ATAD2B: variants seen among roughly 807,000 people sequenced by gnomAD.
ATAD2B encodes the protein ATPase family AAA domain containing 2B, also known as ATPase family AAA domain-containing protein 2B.
A neutral mutation model predicts 167.6 loss-of-function variants in ATAD2B; 40 were observed. The observed-to-expected ratio is 0.24, with a 90% CI of 0.19 to 0.31. ATAD2B has a LOEUF of 0.31. ATAD2B is among the 10% of genes least tolerant of loss of function. The probability of loss-of-function intolerance (pLI) is 1.00; values close to 1 mark genes in which losing one functional copy is unlikely to be tolerated. For synonymous variants in ATAD2B, 579 were observed against 596.5 expected (o/e 0.97, Z 0.43); for missense variants, 1,242 against 1,757.2 (o/e 0.71, Z 5.24).
the ATAD2B span, among the ~76,000 whole-genome samples, chr2:23,730,945 G>T: frequency 6.6e-6 from 1 of 151,602 alleles, no homozygotes; most frequent in East Asian, 1.9e-4. Context: ...AAAAAGAGAA[G>T]ATACAAATTG....
At chr2:23,922,450 A>G (rs1365957730) in intron 1 of ATAD2B, among the ~76,000 whole-genome samples, 3 of 151,994 alleles carry the variant, frequency 2.0e-5, no homozygotes, top group Non-Finnish European at 4.4e-5. Flanking sequence ...CTGATATTTT[A>G]AAAGTGTGGG....
At chr2:23,700,779 A>ACAGAGCAGTGG in the ATAD2B span, among the ~76,000 whole-genome samples, 1 of 152,154 alleles carries the variant, frequency 6.6e-6, no homozygotes, top group Admixed American at 6.5e-5. This position sits in a 1 kb window ranked among gnomAD's most constrained non-coding sequence, Gnocchi z 4.6. Flanking sequence ...GCCCTTGACT[A>ACAGAGCAGTGG]CAGAGCAGTG....
At chr2:23,743,297 T>TAGCTCATGCTAC in the ATAD2B span, among the ~76,000 whole-genome samples, 1 of 152,164 alleles carries the variant, frequency 6.6e-6, no homozygotes, top group Non-Finnish European at 1.5e-5. Context: ...CCAGGCGCAG[T>TAGCTCATGCTAC]AGCTCATGCC....
intron 13 of ATAD2B, among the ~76,000 whole-genome samples, chr2:23,848,755 C>T (rs557556664): frequency 1.3e-5 from 2 of 152,174 alleles, no homozygotes; most frequent in South Asian, 4.1e-4. Flanking sequence ...AAACAAGAAA[C>T]AGGCTAAGAG....
At chr2:23,703,225 T>G in the ATAD2B span, 1 of 1,480,506 alleles carries the variant, frequency 6.8e-7, no homozygotes, top group Non-Finnish European at 9.0e-7. Flanking sequence ...CGGTGGCCCC[T>G]CTGCCCAAGG....
intron 19 of ATAD2B, among the ~76,000 whole-genome samples, chr2:23,797,179 A>T (rs1338004567): frequency 1.3e-5 from 2 of 152,170 alleles, no homozygotes; most frequent in African/African-American, 4.8e-5. Context: ...TTTATATTAT[A>T]GCACTTAAAA....
chr2:23,755,344 T>G (rs1184188923), intron 25 of ATAD2B, among the ~76,000 whole-genome samples: 2 of 152,204 alleles, frequency 1.3e-5, no homozygotes, highest in Non-Finnish European at 2.9e-5. Context: ...GGGCTGGTGT[T>G]CTTTCCTACC....
chr2:23,868,271 T>C (rs12614496), intron 9 of ATAD2B, among the ~76,000 whole-genome samples: 111,968 of 152,156 alleles, frequency 0.74, 41,608 homozygotes, highest in East Asian at 0.85. Flanking sequence ...CCTATATGTA[T>C]TATAATATAT....
chr2:23,866,754 G>A (rs1387682314), intron 10 of ATAD2B, among the ~76,000 whole-genome samples: 4 of 152,026 alleles, frequency 2.6e-5, no homozygotes, highest in South Asian at 4.1e-4. Context: ...TCATCTTCAA[G>A]TATATATGCA....
chr2:23,680,180 T>G, the ATAD2B span, among the ~76,000 whole-genome samples: 1 of 152,076 alleles, frequency 6.6e-6, no homozygotes, highest in Non-Finnish European at 1.5e-5. The surrounding 1 kb of genome is among the most constrained non-coding windows in gnomAD (Gnocchi z 4.1). Context: ...CTCAGGGTGC[T>G]GGAGGGCCTA....
intron 1 of ATAD2B, among the ~76,000 whole-genome samples, chr2:23,920,293 G>C: frequency 6.6e-6 from 1 of 152,178 alleles, no homozygotes; most frequent in East Asian, 1.9e-4. Flanking sequence ...GACGAGTAGA[G>C]GACCAGAAGT....
chr2:23,807,863 T>A (rs1309171975), intron 18 of ATAD2B, among the ~76,000 whole-genome samples: 54 of 128,742 alleles, frequency 4.2e-4, no homozygotes, highest in African/African-American at 1.5e-3. Flanking sequence ...ATAAAATATA[T>A]ACATTTTATA....
the ATAD2B span, among the ~76,000 whole-genome samples, chr2:23,700,531 C>A: frequency 6.6e-6 from 1 of 152,306 alleles, no homozygotes; most frequent in African/African-American, 2.4e-5. This position sits in a 1 kb window ranked among gnomAD's most constrained non-coding sequence, Gnocchi z 4.6. Flanking sequence ...AGCTTGAAAT[C>A]AGCCAAGTGG....
intron 13 of ATAD2B, among the ~76,000 whole-genome samples, chr2:23,835,146 T>C (rs1243862461): frequency 1.3e-5 from 2 of 152,204 alleles, no homozygotes; most frequent in African/African-American, 4.8e-5. Flanking sequence ...AAAAAGAGTA[T>C]TGCAGTTCCT....
At chr2:23,760,435 C>T (rs991276006) in intron 24 of ATAD2B, among the ~76,000 whole-genome samples, 1 of 151,880 alleles carries the variant, frequency 6.6e-6, no homozygotes, top group East Asian at 1.9e-4. Context: ...CCGAGGCTGA[C>T]GGATCACTTG....
At chr2:23,861,129 CTGT>C (rs758269955) in intron 12 of ATAD2B, among the ~76,000 whole-genome samples, 4 of 150,012 alleles carry the variant, frequency 2.7e-5, no homozygotes, top group South Asian at 4.2e-4. Flanking sequence ...AAACAAACAA[CTGT>C]TGTTGTTGTT....
At chr2:23,808,967 C>T (rs1192282451) in intron 18 of ATAD2B, 1 of 152,092 alleles carries the variant, frequency 6.6e-6, no homozygotes, top group African/African-American at 2.4e-5. Flanking sequence ...TGATCTTATC[C>T]TTTAAGATTA....
chr2:23,834,219 T>A, intron 13 of ATAD2B, 141 bp from the exon 14 acceptor site: 1 of 532,630 alleles, frequency 1.9e-6, no homozygotes, highest in Non-Finnish European at 2.9e-6. Context: ...TGGAGGGCAG[T>A]GGTGCAATCT....
chr2:23,701,891 C>T, the ATAD2B span, among the ~76,000 whole-genome samples: 1 of 147,550 alleles, frequency 6.8e-6, no homozygotes, highest in South Asian at 2.2e-4. Context: ...GCCTCTGCCT[C>T]CCAGGTTCAA....
Sources: allele counts gnomAD v4.1 joint callset (sites outside exome capture counted in the v4.1 genomes callset), GRCh38; gene constraint gnomAD v4.1.1; non-coding constraint Gnocchi (gnomAD v3.1); transcripts MANE v1.5; gene names NCBI Gene and HGNC (gene_info 2026-07-23, HGNC 2026-07-21).